The following CCSAP variants were observed in gnomAD, a reference collection of about 807,000 sequenced individuals.
CCSAP encodes the protein centriole, cilia and spindle associated protein.
In CCSAP, 17 loss-of-function variants were observed where a neutral mutation model predicts 25.9. That is an observed-to-expected ratio of 0.66 (90% CI 0.45 to 0.99). CCSAP has a LOEUF of 0.99. Ranked by LOEUF, CCSAP falls within the 50% of genes least tolerant of loss-of-function variation. The pLI, the probability that CCSAP is intolerant of heterozygous loss-of-function variation, is 0.00. For missense variants in CCSAP, 339 were observed against 367.8 expected (o/e 0.92, Z 0.64); for synonymous variants, 169 against 157.1 (o/e 1.08, Z -0.57).
chr1:229,335,721 G>A (rs2102697145), intron 2 of CCSAP, among the ~76,000 whole-genome samples: 1 of 152,290 alleles, frequency 6.6e-6, no homozygotes, highest in South Asian at 2.1e-4. Flanking sequence ...ATGCATGTGA[G>A]GGTCCCAGCA....
In CCSAP at chr1:229,325,285, C is replaced by G; in HGVS notation, c.763G>C (p.Glu255Gln). The change falls in exon 4 of 4, where the codon GAG becomes CAG. Residue 255 changes from glutamate (E) to glutamine (Q), a missense_variant. Glu to Gln is a conservative substitution (Grantham distance 29, BLOSUM62 2). Transcript: ENST00000284617. The stretch of plus-strand genomic sequence containing the variant: ...ATGTATTCTGTCATCCACGGGTTCT[C>G]TGAGGAGGAAGCCTTCATCTTTCTG... Reference protein sequence around the residue: ...KNRKMKASSSENPWMTEYMRC... With the variant: ...KNRKMKASSSQNPWMTEYMRC... 6.2e-7 allele frequency: 1 copy of G among 1,614,162 alleles called. No individual in the cohort carries two copies. The highest frequency in any genetic ancestry group is 1.7e-5 in the Admixed American group (1 of 60,010).
intron 2 of CCSAP, among the ~76,000 whole-genome samples, chr1:229,329,440 G>A (rs985159015): frequency 3.9e-5 from 6 of 152,170 alleles, no homozygotes; most frequent in African/African-American, 2.4e-5. Flanking sequence ...GAAGGCCTGG[G>A]GTAGATAGTG....
Position 229,342,250 on chromosome 1 carries a change from G to T in CCSAP, c.216C>A (p.Pro72=). 1 of 1,275,780 alleles carries T rather than the reference G, an allele frequency of 7.8e-7. No individual in the cohort carries two copies. The allele number at this position is 1,275,780 out of a possible 1,614,324, so 79.0% of individuals were successfully genotyped here. ...ASSESSGAGG[P]APRCAPPSPP... ...GCGAGGGCGGGGCGCACCGGGGTGC[G>T]GGGCCCCCGGCGCCCGACGACTCTG... is the stretch of plus-strand genomic sequence containing the variant. Residue 72 remains proline, a synonymous_variant, in exon 2 of 4, where the codon CCC becomes CCA. Transcript: ENST00000284617. This position sits in a 1 kb window ranked among gnomAD's most constrained non-coding sequence, Gnocchi z 7.5.
rs1657886805 is a variant in CCSAP, at chr1:229,324,137, C to CA, written c.*1097dup. On this transcript the variant is annotated 3_prime_UTR_variant, in exon 4 of 4. Transcript: ENST00000284617. ...TAGATAAGATCTACTGGCTAGGAAT[C>CA]AAAGAGTAACGTATTTCAACCTAAA... 1 of 152,516 alleles carries CA rather than the reference C, an allele frequency of 6.6e-6. No individual in the cohort carries two copies. The highest frequency in any genetic ancestry group is 2.1e-4 in the South Asian group (1 of 4,812). The allele number at this position is 152,516 out of a possible 1,614,324, so 9.4% of individuals were successfully genotyped here. A position where few individuals can be genotyped will look rare whatever the true frequency, so the allele number is the denominator to read the frequency against.
At chr1:229,328,879 A>G (rs1272654359) in intron 2 of CCSAP, among the ~76,000 whole-genome samples, 1 of 152,218 alleles carries the variant, frequency 6.6e-6, no homozygotes, top group East Asian at 1.9e-4. Context: ...CAGACGCTTC[A>G]TGTCTGAATC....
intron 3 of CCSAP, 91 bp from the exon 4 acceptor site, chr1:229,325,502 TCAACTGCAGCAGGGCAGAGTCAAGC>T: frequency 8.2e-7 from 1 of 1,221,826 alleles, no homozygotes; most frequent in South Asian, 1.5e-5. Context: ...TACTGCCAGG[TCAACTGCAGCAGGGCAGAGTCAAGC>T]CCTGCCTCTC....
chr1:229,342,141 C>T lies in CCSAP; in HGVS notation c.325G>A (p.Gly109Arg). The T allele has an allele frequency of 1.5e-6, 2 of 1,330,512 alleles. No individual in the cohort carries two copies. Among genetic ancestry groups the T allele is most frequent in the Non-Finnish European group, 1.9e-6 (2 of 1,039,188 alleles). 82.4% of individuals were successfully genotyped at this position (1,330,512 alleles called of 1,614,324 possible). A position where few individuals can be genotyped will look rare whatever the true frequency, so the allele number is the denominator to read the frequency against. ...TCCGCGTCCTCGGCCTCCGCGTCCCCGGCCTCCGCGTCCTGCTCCTCCGGG... is the reference window on the plus strand; with the variant it reads ...TCCGCGTCCTCGGCCTCCGCGTCCCTGGCCTCCGCGTCCTGCTCCTCCGGG... ...GAPEEQDAEA[G>R]DAEAEDAEDA... The change falls in exon 2 of 4, where the codon GGG becomes AGG. Residue 109 changes from glycine to arginine, a missense_variant. Gly to Arg is a moderately radical substitution (Grantham distance 125). Coordinates refer to ENST00000284617, the MANE Select transcript of CCSAP (RefSeq NM_145257.5). This position sits in a 1 kb window ranked among gnomAD's most constrained non-coding sequence, Gnocchi z 7.5.
chr1:229,338,508 G>A (rs905563049), intron 2 of CCSAP, among the ~76,000 whole-genome samples: 8 of 148,988 alleles, frequency 5.4e-5, no homozygotes, highest in Non-Finnish European at 1.2e-4. Flanking sequence ...AGAATCTCAC[G>A]GTTCACAAGC....
At position 229,322,025 on chromosome 1, in the gene CCSAP, T is replaced by C. The variant is rs1031168017; in HGVS notation, c.*3210A>G. The C allele has an allele frequency of 1.1e-4, 17 of 152,230 alleles. No homozygotes were observed. The highest frequency in any genetic ancestry group is 4.1e-4 in the African/African-American group (17 of 41,452). 9.4% of individuals were successfully genotyped at this position (152,230 alleles called of 1,614,324 possible). A position where few individuals can be genotyped will look rare whatever the true frequency, so the allele number is the denominator to read the frequency against. On this transcript the variant is annotated 3_prime_UTR_variant, in exon 4 of 4. Transcript: ENST00000284617. ...TACAGGAGGATGTGTCTAGGATATATGCAAATACTACACCATTTTATAGAA... is the reference window on the plus strand; with the variant it reads ...TACAGGAGGATGTGTCTAGGATATACGCAAATACTACACCATTTTATAGAA...
intron 2 of CCSAP, among the ~76,000 whole-genome samples, chr1:229,330,392 AAC>A (rs1475617825): frequency 2.0e-5 from 3 of 152,200 alleles, no homozygotes; most frequent in African/African-American, 7.2e-5. Flanking sequence ...ACCCAGAAGA[AAC>A]ACAGAGCCGG....
intron 2 of CCSAP, among the ~76,000 whole-genome samples, chr1:229,338,547 A>ACACACAC (rs1342256743): frequency 3.9e-4 from 57 of 144,560 alleles, no homozygotes; most frequent in African/African-American, 1.4e-3. Flanking sequence ...CAACACACAC[A>ACACACAC]CACACACACA....
chr1:229,328,820 A>G (rs1013900801), intron 2 of CCSAP, among the ~76,000 whole-genome samples: 8 of 152,204 alleles, frequency 5.3e-5, no homozygotes, highest in Non-Finnish European at 1.2e-4. Flanking sequence ...TTCAGTGATG[A>G]CCTTGACTCT....
chr1:229,329,733 G>A (rs1371397045), intron 2 of CCSAP, among the ~76,000 whole-genome samples: 3 of 152,178 alleles, frequency 2.0e-5, no homozygotes, highest in African/African-American at 2.4e-5. Flanking sequence ...GCTCAACCCT[G>A]TAATCCCAGC....
intron 2 of CCSAP, among the ~76,000 whole-genome samples, chr1:229,330,099 G>T (rs1271591865): frequency 6.8e-6 from 1 of 147,930 alleles, no homozygotes; most frequent in Non-Finnish European, 1.5e-5. Flanking sequence ...CTCCAGAGCA[G>T]ACAGCCCAGC....
chr1:229,333,762 GC>G lies in CCSAP; in HGVS notation c.368-6757del, dbSNP rs762788907. On this transcript the variant is annotated intron_variant, in intron 2 of 3. Coordinates refer to ENST00000284617, the MANE Select transcript of CCSAP (RefSeq NM_145257.5). Reference sequence around the variant, plus strand: ...CAGGCATGGTTGTGTATGCCTGTGGGCCCAGCTACTCAGGAGGCTGGGGTGG... The same window carrying G: ...CAGGCATGGTTGTGTATGCCTGTGGGCCAGCTACTCAGGAGGCTGGGGTGG... 1.3e-4 allele frequency among the ~76,000 whole-genome samples: 20 copies of G among 151,970 alleles called. No individual in the cohort carries two copies. In the East Asian group the frequency reaches 2.7e-3, roughly 21 times the overall value.
chr1:229,339,773 T>A (rs1349571704), intron 2 of CCSAP, among the ~76,000 whole-genome samples: 1 of 152,146 alleles, frequency 6.6e-6, no homozygotes, highest in African/African-American at 2.4e-5. Context: ...AAGGGAATCA[T>A]GGGAAATAGT....
At chr1:229,331,938 G>C (rs1246008790) in intron 2 of CCSAP, among the ~76,000 whole-genome samples, 2 of 151,864 alleles carry the variant, frequency 1.3e-5, no homozygotes, top group Non-Finnish European at 2.9e-5. Context: ...TGTGTGCTGG[G>C]CTCAAGCAAT....
chr1:229,338,967 G>C (rs1658267450), intron 2 of CCSAP, among the ~76,000 whole-genome samples: 1 of 151,742 alleles, frequency 6.6e-6, no homozygotes, highest in African/African-American at 2.4e-5. Context: ...AGAAGATACA[G>C]CTGAGAGTAT....
In CCSAP at chr1:229,337,719, G is replaced by A. The variant is rs9435810; in HGVS notation, c.367+4380C>T. ...TATATACACATACATATATATATAT[G>A]TATATATATATGTGTGTGTGCGTGT... is the stretch of plus-strand genomic sequence containing the variant. On this transcript the variant is annotated intron_variant, in intron 2 of 3. Transcript: ENST00000284617. 1.1e-3 allele frequency among the ~76,000 whole-genome samples: 104 copies of A among 91,764 alleles called. 2 individuals are homozygous for A. Among genetic ancestry groups the A allele is most frequent in the Admixed American group, 2.2e-3 (17 of 7,896 alleles). The allele number at this position is 91,764 out of a possible 152,430, so 60.2% of individuals were successfully genotyped here.
Sources: gnomAD v4.1 joint callset for allele counts (sites outside exome capture counted in the v4.1 genomes callset) on GRCh38, gnomAD v4.1.1 for gene constraint, Gnocchi (gnomAD v3.1) non-coding constraint, MANE v1.5 for transcripts, NCBI Gene and HGNC (gene_info 2026-07-23, HGNC 2026-07-21) for gene names.